Variants in RASL11A observed in about 807,000 individuals in gnomAD.
RASL11A encodes ras-like protein family member 11A.
RASL11A carries 14 observed loss-of-function variants against 17.1 expected under a neutral mutation model. That is an observed-to-expected ratio of 0.82 (90% CI 0.54 to 1.28). RASL11A has a LOEUF of 1.28. RASL11A is among the 50% of genes most tolerant of loss of function. The pLI, the probability that RASL11A is intolerant of heterozygous loss-of-function variation, is 0.00. For synonymous variants in RASL11A, 146 were observed against 132.5 expected (o/e 1.10, Z -0.70); for missense variants, 283 against 312.3 (o/e 0.91, Z 0.71).
rs746287530 is a variant in RASL11A at position 27,271,498 on chromosome 13, T to C, written c.139T>C (p.Phe47Leu). 6.2e-6 allele frequency: 10 copies of C among 1,614,112 alleles called. No homozygotes were observed. Among genetic ancestry groups the C allele is most frequent in the Non-Finnish European group, 8.5e-6 (10 of 1,180,038 alleles). ...RVGKSAMIVR[F>L]LTKRFIGDYE... ...TTCCTTTTCAGCAATGATCGTGCGC[T>C]TCCTGACCAAGAGATTCATTGGAGA... Residue 47 changes from phenylalanine to leucine, a missense_variant, in exon 2 of 4, where the codon TTC (phenylalanine) becomes CTC (leucine). By Grantham distance (22) the Phe-to-Leu change is conservative. Transcript: ENST00000241463.
rs1366135251 is a variant in RASL11A at position 27,275,101 on chromosome 13, C to T, written c.*1607C>T. Among the ~76,000 whole-genome samples, 1 of 152,164 alleles carries T rather than the reference C, an allele frequency of 6.6e-6. No homozygotes were observed. The highest frequency in any genetic ancestry group is 1.5e-5 in the Non-Finnish European group (1 of 68,028). On this transcript the variant is annotated 3_prime_UTR_variant, in exon 4 of 4. Transcript: ENST00000241463. ...TGTAGTTGAAGGGAGTCTACCTATA[C>T]AAAATGGCATGAAGGGTTAAGAAAA...
chr13:27,271,503 G>C lies in RASL11A; in HGVS notation c.144G>C (p.Leu48=), dbSNP rs1593267935. ...TTTCAGCAATGATCGTGCGCTTCCTGACCAAGAGATTCATTGGAGACTATG... is the reference window on the plus strand; with the variant it reads ...TTTCAGCAATGATCGTGCGCTTCCTCACCAAGAGATTCATTGGAGACTATG... The part of the protein sequence containing the change: ...VGKSAMIVRF[L]TKRFIGDYEP... Residue 48 remains leucine, a synonymous_variant, in exon 2 of 4, where the codon CTG becomes CTC. Transcript: ENST00000241463. The C allele has an allele frequency of 6.2e-7, 1 of 1,614,212 alleles. No individual in the cohort carries two copies. Among genetic ancestry groups the C allele is most frequent in the Non-Finnish European group, 8.5e-7 (1 of 1,180,034 alleles).
intron 1 of RASL11A, 200 bp from the exon 2 acceptor site, chr13:27,271,284 C>T: frequency 6.9e-7 from 1 of 1,449,690 alleles, no homozygotes; most frequent in Non-Finnish European, 9.0e-7. Context: ...GGATTGGCGC[C>T]TGTTCGGGGA....
chr13:27,274,712 C>T lies in RASL11A; in HGVS notation c.*1218C>T, dbSNP rs1047113846. Reference sequence around the variant, plus strand: ...TATTCCTGGAGCATTTGTGTTATAACCCAACCCTGTCAGGTAGCTATTTGT... The same window carrying T: ...TATTCCTGGAGCATTTGTGTTATAATCCAACCCTGTCAGGTAGCTATTTGT... On this transcript the variant is annotated 3_prime_UTR_variant, in exon 4 of 4. Coordinates refer to ENST00000241463, the MANE Select transcript of RASL11A (RefSeq NM_206827.2). Among the ~76,000 whole-genome samples, 2 of 152,224 alleles carry T rather than the reference C, an allele frequency of 1.3e-5. No individual in the cohort carries two copies. Among genetic ancestry groups the T allele is most frequent in the African/African-American group, 4.8e-5 (2 of 41,454 alleles).
rs1882425811 is a variant in RASL11A at position 27,274,648 on chromosome 13, GCTATATTC to G, written c.*1155_*1162del. ...TCATCTTTAAAAACCCAAGTCACAT[GCTATATTC>G]AGCTCTGAAATGCCTTCTCTGGTCT... On this transcript the variant is annotated 3_prime_UTR_variant, in exon 4 of 4. Coordinates refer to ENST00000241463, the MANE Select transcript of RASL11A (RefSeq NM_206827.2). Among the ~76,000 whole-genome samples, 3 of 152,148 alleles carry G rather than the reference GCTATATTC, an allele frequency of 2.0e-5. No homozygotes were observed. The highest frequency in any genetic ancestry group is 4.4e-5 in the Non-Finnish European group (3 of 68,040).
In RASL11A at chr13:27,272,111, C is replaced by T. The variant is rs1882311006; in HGVS notation, c.261+393C>T. On this transcript the variant is annotated intron_variant, in intron 3 of 3. Transcript: ENST00000241463. ...GGATTCTGATGGGAGAGACTCTTCT[C>T]CCCTGGCAAGCTCTGCTTTTTTTGA... Among the ~76,000 whole-genome samples the T allele has an allele frequency of 5.9e-5, 9 of 152,284 alleles. No homozygotes were observed. In the South Asian group the frequency reaches 1.9e-3, roughly 32 times the overall value.
chr13:27,271,286 G>C, intron 1 of RASL11A, 198 bp from the exon 2 acceptor site: 6 of 1,450,028 alleles, frequency 4.1e-6, no homozygotes, highest in Non-Finnish European at 4.5e-6. Flanking sequence ...ATTGGCGCCT[G>C]TTCGGGGATG....
rs1555250252 is a variant in RASL11A, at chr13:27,273,720, T to TAA, written c.*227_*228insAA. 2.9e-6 allele frequency: 1 copy of TAA among 342,256 alleles called. No homozygotes were observed. Among genetic ancestry groups the TAA allele is most frequent in the African/African-American group, 2.7e-5 (1 of 37,176 alleles). The allele number at this position is 342,256 out of a possible 1,614,324, so 21.2% of individuals were successfully genotyped here. A position where few individuals can be genotyped will look rare whatever the true frequency, so the allele number is the denominator to read the frequency against. ...TTTTTTTTTTTTTTTTTTTTTTTTT[T>TAA]ACTGTAACTGCTGGCCACTTTTCCA... is the stretch of plus-strand genomic sequence containing the variant. On this transcript the variant is annotated 3_prime_UTR_variant, in exon 4 of 4. Transcript: ENST00000241463.
Position 27,271,045 on chromosome 13 carries a change from G to A in RASL11A, c.101G>A (p.Gly34Asp). The change falls in exon 1 of 4, where the codon GGC (glycine) becomes GAC (aspartate). Residue 34 changes from glycine to aspartate, a missense_variant. Physicochemically the swap from Gly to Asp is moderately conservative, Grantham distance 94 (BLOSUM62 -1). Transcript: ENST00000241463. ...LPKDIKLAVL[G>D]AGRVGKSAMI... ...AAGGACATCAAACTGGCGGTGCTGG[G>A]CGCCGGCCGCGTGGGCAAGAGCGGT... 1 of 1,579,476 alleles carries A rather than the reference G, an allele frequency of 6.3e-7. No individual in the cohort carries two copies. The highest frequency in any genetic ancestry group is 1.2e-5 in the South Asian group (1 of 86,624).
intron 3 of RASL11A, among the ~76,000 whole-genome samples, chr13:27,272,751 C>T (rs1325356151): frequency 2.6e-5 from 4 of 152,170 alleles, no homozygotes; most frequent in Non-Finnish European, 5.9e-5. Flanking sequence ...GGTCATTCTT[C>T]AGTCAGCCAT....
At position 27,270,911 on chromosome 13, in the gene RASL11A, C is replaced by T. The variant is rs753906835; in HGVS notation, c.-34C>T. On this transcript the variant is annotated 5_prime_UTR_variant, in exon 1 of 4. Coordinates refer to ENST00000241463, the MANE Select transcript of RASL11A (RefSeq NM_206827.2). ...TCCGGGTGCGGCGAGGCCCAGCCCT[C>T]TCGGATTGCGCGCCGGACCCCGGGA... 6.4e-7 allele frequency: 1 copy of T among 1,563,334 alleles called. No individual in the cohort carries two copies. Among genetic ancestry groups the T allele is most frequent in the South Asian group, 1.2e-5 (1 of 84,728 alleles).
chr13:27,272,987 A>G, intron 3 of RASL11A, 40 bp from the exon 4 acceptor site: 1 of 1,545,090 alleles, frequency 6.5e-7, no homozygotes, highest in Non-Finnish European at 8.9e-7. Flanking sequence ...TCTCCCACTG[A>G]GGGTTTCCTT....
At chr13:27,272,048 C>T (rs1882308602) in intron 3 of RASL11A, among the ~76,000 whole-genome samples, 1 of 152,102 alleles carries the variant, frequency 6.6e-6, no homozygotes, top group East Asian at 1.9e-4. Flanking sequence ...AAGAAAAAAA[C>T]GTTTAAAACA....
At position 27,273,046 on chromosome 13, in the gene RASL11A, A is replaced by C. The variant is rs1882342617; in HGVS notation, c.281A>C (p.Gln94Pro). The C allele has an allele frequency of 1.2e-6, 2 of 1,613,964 alleles. No homozygotes were observed. Among genetic ancestry groups the C allele is most frequent in the East Asian group, 2.2e-5 (1 of 44,880 alleles). Residue 94 changes from glutamine to proline, a missense_variant, in exon 4 of 4, where the codon CAG becomes CCG. By Grantham distance (76) the Gln-to-Pro change is moderately conservative. Coordinates refer to ENST00000241463, the MANE Select transcript of RASL11A (RefSeq NM_206827.2). ...GGVQIQDSLPQVVDSLSKCVQ... is the reference protein window; with the variant it reads ...GGVQIQDSLPPVVDSLSKCVQ... ...TCTCAGATCCAAGACAGCCTCCCCC[A>C]GGTCGTCGATTCCCTGTCCAAATGC... is the stretch of plus-strand genomic sequence containing the variant.
At chr13:27,271,412 A>G (rs1164799987) in intron 1 of RASL11A, 72 bp from the exon 2 acceptor site, 2 of 1,585,814 alleles carry the variant, frequency 1.3e-6, no homozygotes, top group Admixed American at 3.3e-5. Context: ...CACTCCCCCC[A>G]GTTTGTCCGA....
chr13:27,273,510 T>A lies in RASL11A; in HGVS notation c.*16T>A, dbSNP rs1263064035. On this transcript the variant is annotated 3_prime_UTR_variant, in exon 4 of 4. Transcript: ENST00000241463. ...ACTGGGGTGAACTATCTCAGACAGA[T>A]GCCTCTCCTTTTTAATACGCATTTG... 1 of 1,586,020 alleles carries A rather than the reference T, an allele frequency of 6.3e-7. No homozygotes were observed. The highest frequency in any genetic ancestry group is 1.7e-5 in the Admixed American group (1 of 58,632).
In RASL11A at chr13:27,271,557, G is replaced by A. The variant is rs1254983417; in HGVS notation, c.181+17G>A. 1.2e-6 allele frequency: 2 copies of A among 1,613,712 alleles called. No homozygotes were observed. Among genetic ancestry groups the A allele is most frequent in the Non-Finnish European group, 8.5e-7 (1 of 1,179,678 alleles). ...CGAATACAGGTGAGAATACTTTCAC[G>A]CTCCCTGCTTTTATGCTTGCGTGTT... On this transcript the variant is annotated intron_variant, in intron 2 of 3. Transcript: ENST00000241463.
chr13:27,273,435 A>T lies in RASL11A; in HGVS notation c.670A>T (p.Lys224Ter). Reference protein sequence around the residue: ...RPRSPNMQDLKRRFKQALSPK... With the variant: ...RPRSPNMQDL ...CCGCTCTCCCAACATGCAGGACCTG[A>T]AGAGACGCTTCAAGCAGGCTCTGTC... The change falls in exon 4 of 4, where the codon AAG becomes TAG. Residue 224 changes from lysine to a stop codon, truncating the protein, a stop_gained. Transcript: ENST00000241463. LOFTEE classifies it high-confidence loss of function. The T allele has an allele frequency of 6.2e-7, 1 of 1,614,172 alleles. No individual in the cohort carries two copies. Among genetic ancestry groups the T allele is most frequent in the Non-Finnish European group, 8.5e-7 (1 of 1,180,030 alleles).
chr13:27,271,077 G>T lies in RASL11A; in HGVS notation c.124+9G>T. On this transcript the variant is annotated intron_variant, in intron 1 of 3. Coordinates refer to ENST00000241463, the MANE Select transcript of RASL11A (RefSeq NM_206827.2). ...CCGCGTGGGCAAGAGCGGTGAGTGC[G>T]GCGGGGACCCCCGGGCGGCTTCGCT... 1 of 1,560,898 alleles carries T rather than the reference G, an allele frequency of 6.4e-7. No homozygotes were observed. The highest frequency in any genetic ancestry group is 8.7e-7 in the Non-Finnish European group (1 of 1,152,674).
Sources: allele counts gnomAD v4.1 joint callset (sites outside exome capture counted in the v4.1 genomes callset), GRCh38; gene constraint gnomAD v4.1.1; transcripts MANE v1.5; gene names NCBI Gene and HGNC (gene_info 2026-07-23, HGNC 2026-07-21).